PRKCA: variants seen among roughly 807,000 people sequenced by gnomAD.
PRKCA encodes the protein protein kinase C alpha type.
A neutral mutation model predicts 87.0 loss-of-function variants in PRKCA; 27 were observed. That is an observed-to-expected ratio of 0.31 (90% CI 0.23 to 0.43). The LOEUF is 0.43. Among genes scored for constraint, PRKCA ranks in the 20% least tolerant of loss-of-function variants. The pLI, the probability that PRKCA is intolerant of heterozygous loss-of-function variation, is 1.00. For synonymous variants in PRKCA, 329 were observed against 311.1 expected (o/e 1.06, Z -0.61); for missense variants, 518 against 852.3 (o/e 0.61, Z 4.88).
chr17:66,452,153 C>T (rs4082895), intron 2 of PRKCA, among the ~76,000 whole-genome samples: 78,059 of 152,144 alleles, frequency 0.51, 21,880 homozygotes, highest in African/African-American at 0.74. Context: ...ATTTGATTCA[C>T]TGAAAATACT....
intron 2 of PRKCA, among the ~76,000 whole-genome samples, chr17:66,451,563 G>A (rs114416884): frequency 0.031 from 4,685 of 152,188 alleles, 243 homozygotes; most frequent in African/African-American, 0.11. Flanking sequence ...TAATTTTCAT[G>A]TTGTAGCGAA....
intron 5 of PRKCA, among the ~76,000 whole-genome samples, chr17:66,660,469 A>G (rs8077110): frequency 0.57 from 87,262 of 151,948 alleles, 25,392 homozygotes; most frequent in African/African-American, 0.69. Context: ...CTTTATTTCC[A>G]TGTTAGGGGG....
chr17:66,516,425 G>A (rs1386344436), intron 3 of PRKCA, among the ~76,000 whole-genome samples: 1 of 152,028 alleles, frequency 6.6e-6, no homozygotes, highest in Non-Finnish European at 1.5e-5. Context: ...TTGAGGTCAG[G>A]GGTTCGAGAC....
intron 2 of PRKCA, among the ~76,000 whole-genome samples, chr17:66,321,078 A>G (rs1270706777): frequency 6.6e-6 from 1 of 152,242 alleles, no homozygotes; most frequent in African/African-American, 2.4e-5. Flanking sequence ...GAAAATAAAC[A>G]CACAAAATAT....
chr17:66,484,521 G>GT (rs2144066098), intron 2 of PRKCA, among the ~76,000 whole-genome samples: 1 of 152,214 alleles, frequency 6.6e-6, no homozygotes, highest in South Asian at 2.1e-4. Context: ...TATTTCCCAG[G>GT]TTTCTTATTT....
intron 3 of PRKCA, among the ~76,000 whole-genome samples, chr17:66,590,989 T>G (rs1046891609): frequency 1.3e-5 from 2 of 152,102 alleles, no homozygotes; most frequent in Admixed American, 6.5e-5. Context: ...TGCTTGCTTA[T>G]GGCCTGGGTT....
At chr17:66,581,268 A>G (rs1215797351) in intron 3 of PRKCA, among the ~76,000 whole-genome samples, 1 of 152,158 alleles carries the variant, frequency 6.6e-6, no homozygotes, top group Non-Finnish European at 1.5e-5. Flanking sequence ...CTTCGTTGCA[A>G]CCACTCAATT....
chr17:66,490,447 G>A (rs1017616174), intron 2 of PRKCA, among the ~76,000 whole-genome samples: 16 of 151,294 alleles, frequency 1.1e-4, no homozygotes, highest in Admixed American at 3.3e-4. Context: ...GGGTTCAAGC[G>A]ATTTTTCTGC....
intron 2 of PRKCA, among the ~76,000 whole-genome samples, chr17:66,346,400 A>G (rs1227652723): frequency 7.0e-6 from 1 of 143,766 alleles, no homozygotes; most frequent in East Asian, 2.1e-4. Flanking sequence ...CCCTGCTGAG[A>G]TATCTTTTTT....
In PRKCA at chr17:66,683,880, C is replaced by T. The variant is rs76805668; in HGVS notation, c.530-3231C>T. On this transcript the variant is annotated intron_variant, in intron 5 of 16. Coordinates refer to ENST00000413366, the MANE Select transcript of PRKCA (RefSeq NM_002737.3). ...CTCCCAAAGTGTTGGGATTTGACTCCACATCTTGATCACATCTTTCCCTTG... is the reference window on the plus strand; with the variant it reads ...CTCCCAAAGTGTTGGGATTTGACTCTACATCTTGATCACATCTTTCCCTTG... 3.8e-3 allele frequency among the ~76,000 whole-genome samples: 575 copies of T among 152,180 alleles called. 5 individuals carry two copies. Among genetic ancestry groups the T allele is most frequent in the African/African-American group, 0.013 (540 of 41,520 alleles).
chr17:66,477,631 C>T lies in PRKCA; in HGVS notation c.206-18570C>T, dbSNP rs28538083. The stretch of plus-strand genomic sequence containing the variant: ...AGGAGAATTGCTTGAACCTGGGAGA[C>T]GGAGGTTGTGGTGAGCTGAGATTGC... On this transcript the variant is annotated intron_variant, in intron 2 of 16. Transcript: ENST00000413366. 2.4e-3 allele frequency among the ~76,000 whole-genome samples: 369 copies of T among 152,262 alleles called. 1 individual carries two copies. The highest frequency in any genetic ancestry group is 8.3e-3 in the African/African-American group (345 of 41,540).
intron 3 of PRKCA, 119 bp downstream of exon 3, chr17:66,496,402 T>C (rs1916475404): frequency 6.2e-6 from 5 of 805,438 alleles, no homozygotes; most frequent in African/African-American, 1.7e-5. Context: ...TCAATTCTCA[T>C]AGAGCGTTGG....
intron 2 of PRKCA, among the ~76,000 whole-genome samples, chr17:66,329,902 C>T (rs1232471119): frequency 6.6e-6 from 1 of 152,082 alleles, no homozygotes; most frequent in Non-Finnish European, 1.5e-5. Flanking sequence ...TTTCAACCAG[C>T]CGGGATGAAA....
chr17:66,687,935 C>T (rs1356613033), intron 6 of PRKCA, among the ~76,000 whole-genome samples: 1 of 152,186 alleles, frequency 6.6e-6, no homozygotes, highest in African/African-American at 2.4e-5. Context: ...GAGGGACCAG[C>T]AAGCTCTGCT....
At chr17:66,554,714 T>G (rs1968444014) in intron 3 of PRKCA, 1 of 198,658 alleles carries the variant, frequency 5.0e-6, no homozygotes, top group Non-Finnish European at 9.0e-6. Context: ...TCCTTCCTCT[T>G]GGCTTCCCAA....
At chr17:66,686,346 A>C (rs973614657) in intron 5 of PRKCA, among the ~76,000 whole-genome samples, 1 of 152,050 alleles carries the variant, frequency 6.6e-6, no homozygotes, top group Non-Finnish European at 1.5e-5. Flanking sequence ...TAAAGTGAGG[A>C]TTCTGAGTTA....
At chr17:66,742,492 A>C in intron 12 of PRKCA, 130 bp from the exon 13 acceptor site, 1 of 946,858 alleles carries the variant, frequency 1.1e-6, no homozygotes, top group Non-Finnish European at 1.6e-6. Flanking sequence ...CTGATACTAC[A>C]GTCCAGGGAC....
intron 8 of PRKCA, among the ~76,000 whole-genome samples, chr17:66,726,793 T>C (rs1973762001): frequency 6.6e-6 from 1 of 151,990 alleles, no homozygotes; most frequent in South Asian, 2.1e-4. Flanking sequence ...GGCACGATCT[T>C]GGCTCACTGC....
chr17:66,500,826 A>T (rs1916692703), intron 3 of PRKCA, among the ~76,000 whole-genome samples: 1 of 152,234 alleles, frequency 6.6e-6, no homozygotes, highest in African/African-American at 2.4e-5. Context: ...CTTAGAAATC[A>T]ATCCAATAAA....
Sources: allele counts gnomAD v4.1 joint callset (sites outside exome capture counted in the v4.1 genomes callset), GRCh38; gene constraint gnomAD v4.1.1; transcripts MANE v1.5; gene names NCBI Gene and HGNC (gene_info 2026-07-23, HGNC 2026-07-21).